The following ROR1 variants were observed in gnomAD, a reference collection of about 807,000 sequenced individuals.
ROR1 encodes inactive tyrosine-protein kinase transmembrane receptor ROR1.
ROR1 carries 19 observed loss-of-function variants against 78.8 expected under a neutral mutation model. The observed-to-expected ratio is 0.24, with a 90% CI of 0.17 to 0.35. The LOEUF is 0.35. ROR1 is among the 10% of genes least tolerant of loss of function. The probability of loss-of-function intolerance (pLI) is 1.00; values close to 1 mark genes in which losing one functional copy is unlikely to be tolerated. For missense variants in ROR1, 917 were observed against 1,177.8 expected, an observed-to-expected ratio of 0.78 and a Z score of 3.24; for synonymous variants, 386 against 433.6, an observed-to-expected ratio of 0.89 and a Z score of 1.36.
At chr1:63,945,705 T>C (rs1485649636) in intron 1 of ROR1, among the ~76,000 whole-genome samples, 1 of 152,362 alleles carries the variant, frequency 6.6e-6, no homozygotes, top group South Asian at 2.1e-4. Context: ...CCTTGCCTTC[T>C]CTTCTGCATT....
chr1:64,159,243 G>T (rs772566640), intron 8 of ROR1, 51 bp downstream of exon 8: 1 of 1,378,214 alleles, frequency 7.3e-7, no homozygotes, highest in South Asian at 1.2e-5. Flanking sequence ...TCAAGTTAAA[G>T]CACCATGTTA....
intron 4 of ROR1, among the ~76,000 whole-genome samples, chr1:64,080,996 C>A (rs17126135): frequency 0.15 from 22,610 of 152,194 alleles, 1,772 homozygotes; most frequent in Middle Eastern, 0.2. Flanking sequence ...GTACCTACAC[C>A]TCTGTGTCCC....
At chr1:64,129,010 A>T (rs887526814) in intron 4 of ROR1, among the ~76,000 whole-genome samples, 2 of 152,222 alleles carry the variant, frequency 1.3e-5, no homozygotes, top group African/African-American at 2.4e-5. Context: ...CATTATAAAA[A>T]TTTGTAAGAT....
At chr1:63,842,697 C>T (rs761918350) in intron 1 of ROR1, among the ~76,000 whole-genome samples, 15 of 150,946 alleles carry the variant, frequency 9.9e-5, no homozygotes, top group Non-Finnish European at 1.5e-4. Flanking sequence ...TTTTTTTAAT[C>T]GAAAGTGCCT....
At chr1:63,809,159 A>C (rs1007867673) in intron 1 of ROR1, among the ~76,000 whole-genome samples, 1 of 152,150 alleles carries the variant, frequency 6.6e-6, no homozygotes, top group Non-Finnish European at 1.5e-5. Flanking sequence ...GATATGGAAA[A>C]GGTAGTGTCA....
intron 1 of ROR1, among the ~76,000 whole-genome samples, chr1:63,957,693 T>C (rs1415911117): frequency 6.6e-6 from 1 of 152,160 alleles, no homozygotes; most frequent in Non-Finnish European, 1.5e-5. Flanking sequence ...CTACATAGTG[T>C]TTTGTAACTT....
chr1:64,127,751 G>C (rs772844185), intron 4 of ROR1, among the ~76,000 whole-genome samples: 5 of 152,168 alleles, frequency 3.3e-5, no homozygotes, highest in Non-Finnish European at 5.9e-5. Context: ...ATAATGGTAG[G>C]AAGAAGAAAT....
At chr1:63,851,911 A>C (rs1227494826) in intron 1 of ROR1, among the ~76,000 whole-genome samples, 1 of 152,252 alleles carries the variant, frequency 6.6e-6, no homozygotes, top group Non-Finnish European at 1.5e-5. Flanking sequence ...GAAGACAAGT[A>C]GACTGGCATC....
At chr1:64,172,312 T>C (rs1409215310) in intron 8 of ROR1, among the ~76,000 whole-genome samples, 1 of 152,222 alleles carries the variant, frequency 6.6e-6, no homozygotes, top group Admixed American at 6.5e-5. Context: ...AAAGAGTTCA[T>C]TTAAACTCTA....
At chr1:63,979,699 A>C (rs1281172891) in intron 1 of ROR1, among the ~76,000 whole-genome samples, 1 of 152,152 alleles carries the variant, frequency 6.6e-6, no homozygotes, top group Non-Finnish European at 1.5e-5. Flanking sequence ...CCTTAGGGGC[A>C]CAGAGCTGGG....
rs139433405 is a variant in ROR1, at chr1:64,124,055, A to G, written c.483-13314A>G. On this transcript the variant is annotated intron_variant, in intron 4 of 8. Transcript: ENST00000371079. ...ATGTGGAAAATACATATTACATTAA[A>G]AAGAAAAAACTATGTCTAGTATAAT... Among the ~76,000 whole-genome samples, 4 of 152,332 alleles carry G rather than the reference A, an allele frequency of 2.6e-5. No individual in the cohort carries two copies. The East Asian group carries it at 7.7e-4, about 29-fold the overall frequency.
chr1:64,009,163 A>T (rs1266058472), intron 1 of ROR1, 142 bp from the exon 2 acceptor site: 8 of 651,050 alleles, frequency 1.2e-5, no homozygotes, highest in Admixed American at 9.5e-5. Flanking sequence ...CCACCATTCC[A>T]GTCTAATAAG....
At chr1:63,897,552 T>C (rs1375061194) in intron 1 of ROR1, among the ~76,000 whole-genome samples, 7 of 152,236 alleles carry the variant, frequency 4.6e-5, no homozygotes. Context: ...CTTCTTTCTT[T>C]TTCCTAAAAT....
intron 1 of ROR1, among the ~76,000 whole-genome samples, chr1:63,828,175 AG>A (rs1274285611): frequency 2.6e-5 from 4 of 152,188 alleles, no homozygotes; most frequent in Non-Finnish European, 5.9e-5. Flanking sequence ...ACCCAAATCC[AG>A]GTTTGGTTGA....
At chr1:64,087,817 A>G (rs914501068) in intron 4 of ROR1, among the ~76,000 whole-genome samples, 3 of 152,254 alleles carry the variant, frequency 2.0e-5, no homozygotes, top group Non-Finnish European at 4.4e-5. Context: ...TCTGTCGACA[A>G]GGAACTGATA....
At chr1:64,055,478 C>G (rs187587093) in intron 4 of ROR1, among the ~76,000 whole-genome samples, 2 of 152,344 alleles carry the variant, frequency 1.3e-5, no homozygotes, top group Admixed American at 1.3e-4. Flanking sequence ...TGGTCACCTT[C>G]TATTCCAAGG....
chr1:64,086,619 G>A (rs1379544339), intron 4 of ROR1, among the ~76,000 whole-genome samples: 2 of 152,174 alleles, frequency 1.3e-5, no homozygotes, highest in Non-Finnish European at 2.9e-5. Context: ...TGAGTATGGT[G>A]TGTTACCTTT....
intron 1 of ROR1, among the ~76,000 whole-genome samples, chr1:63,859,082 C>G (rs1370818575): frequency 6.6e-6 from 1 of 152,170 alleles, no homozygotes; most frequent in African/African-American, 2.4e-5. Flanking sequence ...TGTCATGATG[C>G]TCAGCATGAC....
chr1:64,168,392 C>T (rs1650145268), intron 8 of ROR1, among the ~76,000 whole-genome samples: 1 of 152,190 alleles, frequency 6.6e-6, no homozygotes, highest in Non-Finnish European at 1.5e-5. Flanking sequence ...TTATTAGGAT[C>T]TCAGTGTCTG....
Sources: allele counts gnomAD v4.1 joint callset (sites outside exome capture counted in the v4.1 genomes callset), GRCh38; gene constraint gnomAD v4.1.1; transcripts MANE v1.5; gene names NCBI Gene and HGNC (gene_info 2026-07-23, HGNC 2026-07-21).